Variants in STPG2 observed in about 807,000 individuals in gnomAD.
STPG2 encodes sperm-tail PG-rich repeat-containing protein 2.
A neutral mutation model predicts 54.2 loss-of-function variants in STPG2; 56 were observed. The ratio of observed to expected loss-of-function variants is 1.03; its 90% CI spans 0.83 to 1.29. STPG2 has a LOEUF of 1.29. Among genes scored for constraint, STPG2 ranks in the 50% most tolerant of loss-of-function variants. The pLI is 0.00. For synonymous variants in STPG2, 200 were observed against 181.8 expected (o/e 1.10, Z -0.81); for missense variants, 596 against 544.9 (o/e 1.09, Z -0.93).
At chr4:97,543,980 C>T (rs111869406) in intron 4 of STPG2, among the ~76,000 whole-genome samples, 2,310 of 151,842 alleles carry the variant, frequency 0.015, 58 homozygotes, top group African/African-American at 0.053. Context: ...CCAAAAGGTA[C>T]GAATATTGAA....
chr4:97,542,474 G>A (rs369696913), intron 4 of STPG2, among the ~76,000 whole-genome samples: 2 of 152,136 alleles, frequency 1.3e-5, no homozygotes, highest in African/African-American at 4.8e-5. Flanking sequence ...GAAACAACAG[G>A]TGCTGGAGAG....
At chr4:97,874,477 T>C (rs1730104845) in intron 8 of STPG2, among the ~76,000 whole-genome samples, 1 of 151,802 alleles carries the variant, frequency 6.6e-6, no homozygotes, top group Non-Finnish European at 1.5e-5. Context: ...TTTTCACCCC[T>C]TTTAATAAAA....
chr4:98,011,422 T>C (rs1342704493), intron 5 of STPG2, among the ~76,000 whole-genome samples: 12 of 152,154 alleles, frequency 7.9e-5, no homozygotes. Context: ...AGTAAATATA[T>C]GTGTGCATAT....
At chr4:97,744,326 T>C (rs865779001) in intron 9 of STPG2, among the ~76,000 whole-genome samples, 7 of 151,286 alleles carry the variant, frequency 4.6e-5, no homozygotes, top group Non-Finnish European at 8.9e-5. Context: ...GTAATTATTG[T>C]GTGGTCTTAT....
chr4:97,847,465 T>C (rs1728989141), intron 8 of STPG2, among the ~76,000 whole-genome samples: 1 of 152,166 alleles, frequency 6.6e-6, no homozygotes, highest in African/African-American at 2.4e-5. Context: ...CATCTTCTCC[T>C]GGCACACTGG....
At chr4:98,121,866 C>A (rs548316688) in intron 3 of STPG2, among the ~76,000 whole-genome samples, 2 of 152,000 alleles carry the variant, frequency 1.3e-5, no homozygotes, top group African/African-American at 2.4e-5. Context: ...GGACTACAGG[C>A]GTGCATCACC....
At chr4:97,680,030 C>T (rs992841799) in intron 10 of STPG2, among the ~76,000 whole-genome samples, 2 of 151,992 alleles carry the variant, frequency 1.3e-5, no homozygotes, top group African/African-American at 4.8e-5. Flanking sequence ...GTTACTGTAG[C>T]CTTGTAGTAT....
chr4:97,463,415 T>C (rs1189387970), intron 4 of STPG2: 5 of 152,202 alleles, frequency 3.3e-5, no homozygotes, highest in Non-Finnish European at 7.3e-5. Context: ...GTATATACTA[T>C]ACCACTTTCT....
chr4:97,992,765 G>T (rs763821332), intron 5 of STPG2, among the ~76,000 whole-genome samples: 2 of 152,092 alleles, frequency 1.3e-5, no homozygotes, highest in African/African-American at 2.4e-5. Context: ...TGCCATCTAT[G>T]ATTTCTTTCA....
intron 9 of STPG2, among the ~76,000 whole-genome samples, chr4:97,773,994 G>GGTGTGTGTGTGT (rs34968031): frequency 5.9e-4 from 87 of 147,350 alleles, no homozygotes; most frequent in Middle Eastern, 3.5e-3. Flanking sequence ...TAAAATATAG[G>GGTGTGTGTGTGT]GTGTGTGTGT....
intron 8 of STPG2, among the ~76,000 whole-genome samples, chr4:97,895,585 C>T (rs1412861913): frequency 6.6e-6 from 1 of 151,640 alleles, no homozygotes; most frequent in East Asian, 1.9e-4. Flanking sequence ...TAATAGCTAC[C>T]AGAATTTTTA....
At position 97,640,791 on chromosome 4, in the gene STPG2, AAC is replaced by A. The variant is rs200494187; in HGVS notation, c.1320+71906_1320+71907del. Among the ~76,000 whole-genome samples, 1,416 of 151,740 alleles carry A rather than the reference AAC, an allele frequency of 9.3e-3. 13 individuals are homozygous for A. Among genetic ancestry groups the A allele is most frequent in the Non-Finnish European group, 0.015 (999 of 67,680 alleles). On this transcript the variant is annotated intron_variant, in intron 10 of 10. Coordinates refer to ENST00000295268, the MANE Select transcript of STPG2 (RefSeq NM_174952.3). ...AATTAAAGATTTAGATACGTTTCAAAACACATGTTTAAGTCAAAAAAACAGAG... is the reference window on the plus strand; with the variant it reads ...AATTAAAGATTTAGATACGTTTCAAAACATGTTTAAGTCAAAAAAACAGAG...
intron 3 of STPG2, among the ~76,000 whole-genome samples, chr4:98,121,487 C>CT (rs35926379): frequency 0.4 from 60,028 of 151,844 alleles, 12,106 homozygotes; most frequent in Middle Eastern, 0.46. Context: ...GCAATATAGC[C>CT]TTTTTCATGA....
At chr4:98,114,520 C>T (rs1739452746) in intron 3 of STPG2, among the ~76,000 whole-genome samples, 2 of 151,992 alleles carry the variant, frequency 1.3e-5, no homozygotes, top group East Asian at 1.9e-4. Flanking sequence ...TCATCTTTTA[C>T]ATCACATTTT....
intron 9 of STPG2, among the ~76,000 whole-genome samples, chr4:97,748,229 T>A (rs768887225): frequency 2.6e-5 from 4 of 151,570 alleles, no homozygotes; most frequent in Non-Finnish European, 5.9e-5. Flanking sequence ...GTATTACTGC[T>A]ATGAGGAAGA....
chr4:97,918,237 A>C (rs1300236809), intron 8 of STPG2, among the ~76,000 whole-genome samples: 1 of 152,194 alleles, frequency 6.6e-6, no homozygotes, highest in Non-Finnish European at 1.5e-5. Flanking sequence ...GAAAATAAAA[A>C]ACTAGTTCAT....
At chr4:98,086,472 G>T (rs1053741818) in intron 5 of STPG2, among the ~76,000 whole-genome samples, 1 of 151,828 alleles carries the variant, frequency 6.6e-6, no homozygotes, top group Non-Finnish European at 1.5e-5. Context: ...ATAAGATTTA[G>T]CAAATTTTAA....
intron 10 of STPG2, among the ~76,000 whole-genome samples, chr4:97,604,178 T>C (rs577965928): frequency 6.6e-6 from 1 of 151,742 alleles, no homozygotes; most frequent in African/African-American, 2.4e-5. Context: ...AATAGTAATC[T>C]AGTAATCCAT....
intron 8 of STPG2, among the ~76,000 whole-genome samples, chr4:97,930,778 A>G (rs202015924): frequency 6.6e-6 from 1 of 152,084 alleles, no homozygotes; most frequent in Non-Finnish European, 1.5e-5. Flanking sequence ...CAGTATGGCC[A>G]TTTTAACAAT....
Sources: gnomAD v4.1 joint callset for allele counts (sites outside exome capture counted in the v4.1 genomes callset) on GRCh38, gnomAD v4.1.1 for gene constraint, MANE v1.5 for transcripts, NCBI Gene and HGNC (gene_info 2026-07-23, HGNC 2026-07-21) for gene names.